Variants in PTPRN2 observed in about 807,000 individuals in gnomAD.
PTPRN2 encodes receptor-type tyrosine-protein phosphatase N2.
PTPRN2 carries 74 observed loss-of-function variants against 118.8 expected under a neutral mutation model. That is an observed-to-expected ratio of 0.62 (90% CI 0.52 to 0.76). The LOEUF is 0.76. PTPRN2 is among the 30% of genes least tolerant of loss of function. The pLI is 0.00. For synonymous variants in PTPRN2, 641 were observed against 608.0 expected (o/e 1.05, Z -0.80); for missense variants, 1,481 against 1,394.4 (o/e 1.06, Z -0.99).
chr7:157,868,191 G>A lies in PTPRN2; in HGVS notation c.1788+30482C>T, dbSNP rs935335632. Reference sequence around the variant, plus strand: ...CAGGCACAGGAAGGGTTCCTTTCCCGATGGCTCCGACAGCCCAGTGGTGCA... The same window carrying A: ...CAGGCACAGGAAGGGTTCCTTTCCCAATGGCTCCGACAGCCCAGTGGTGCA... On this transcript the variant is annotated intron_variant, in intron 12 of 22. Transcript: ENST00000389418. The surrounding 1 kb of genome is among the most constrained non-coding windows in gnomAD (Gnocchi z 5.2). Among the ~76,000 whole-genome samples the A allele has an allele frequency of 6.6e-6, 1 of 152,210 alleles. No homozygotes were observed. Among genetic ancestry groups the A allele is most frequent in the Admixed American group, 6.5e-5 (1 of 15,286 alleles).
intron 3 of PTPRN2, among the ~76,000 whole-genome samples, chr7:158,273,481 G>GAC (rs1563072751): frequency 9.7e-5 from 7 of 72,308 alleles, no homozygotes; most frequent in African/African-American, 4.3e-4. Flanking sequence ...CGCAGGCACA[G>GAC]GGGGAGCCGC....
At chr7:158,391,198 C>T (rs1811897306) in intron 2 of PTPRN2, among the ~76,000 whole-genome samples, 1 of 152,252 alleles carries the variant, frequency 6.6e-6, no homozygotes, top group African/African-American at 2.4e-5. Flanking sequence ...TAAAAAGAAC[C>T]TGCACGAGAG....
intron 2 of PTPRN2, among the ~76,000 whole-genome samples, chr7:158,440,518 AGTG>A (rs1816916714): frequency 6.7e-6 from 1 of 149,552 alleles, no homozygotes; most frequent in Non-Finnish European, 1.5e-5. Flanking sequence ...TAGGGGTGAT[AGTG>A]GTGATGTGGT....
At chr7:158,512,095 C>T (rs768543553) in intron 1 of PTPRN2, among the ~76,000 whole-genome samples, 8 of 152,116 alleles carry the variant, frequency 5.3e-5, no homozygotes, top group South Asian at 2.1e-4. Flanking sequence ...GCCATGCAGA[C>T]GGTGATGACA....
chr7:157,588,464 T>C (rs1800800994), intron 17 of PTPRN2, among the ~76,000 whole-genome samples: 1 of 152,132 alleles, frequency 6.6e-6, no homozygotes, highest in Non-Finnish European at 1.5e-5. Flanking sequence ...GTGATCCAGC[T>C]ACAGTCCTGC....
At chr7:158,377,626 T>C (rs910922738) in intron 2 of PTPRN2, among the ~76,000 whole-genome samples, 5 of 152,072 alleles carry the variant, frequency 3.3e-5, no homozygotes, top group Non-Finnish European at 7.4e-5. Flanking sequence ...AATCACAGGC[T>C]TTGTCATGGA....
At chr7:158,278,251 C>T (rs1799165774) in intron 3 of PTPRN2, among the ~76,000 whole-genome samples, 3 of 152,132 alleles carry the variant, frequency 2.0e-5, no homozygotes. Context: ...CCACCCACCA[C>T]CTGCCAGGGG....
At chr7:157,543,247 C>T (rs887464286) in intron 22 of PTPRN2, among the ~76,000 whole-genome samples, 1 of 152,190 alleles carries the variant, frequency 6.6e-6, no homozygotes, top group Non-Finnish European at 1.5e-5. Context: ...ATTCGAGAGG[C>T]CGAGTCAGGA....
At chr7:158,035,866 T>C (rs1371389252) in intron 11 of PTPRN2, among the ~76,000 whole-genome samples, 4 of 152,188 alleles carry the variant, frequency 2.6e-5, no homozygotes, top group Non-Finnish European at 4.4e-5. Flanking sequence ...AAGACAAGCA[T>C]GTAATAAAAA....
At chr7:157,743,997 T>C (rs1170681689) in intron 12 of PTPRN2, among the ~76,000 whole-genome samples, 1 of 152,240 alleles carries the variant, frequency 6.6e-6, no homozygotes, top group Non-Finnish European at 1.5e-5. Context: ...GACGGGGCGA[T>C]GCTGCTGCAG....
chr7:157,604,045 T>A lies in PTPRN2; in HGVS notation c.2375A>T (p.Glu792Val), dbSNP rs1801860360. The A allele has an allele frequency of 6.2e-7, 1 of 1,613,690 alleles. No individual in the cohort carries two copies. The highest frequency in any genetic ancestry group is 8.5e-7 in the Non-Finnish European group (1 of 1,180,028). ...GTAGTCTGAGTGGCTGTGGCTGTTC[T>A]CCGCCTTCAGCAGGACCCGGGAGTG... ...YDHSRVLLKAENSHSHSDYIN... is the reference protein window; with the variant it reads ...YDHSRVLLKAVNSHSHSDYIN... The change falls in exon 16 of 23, where the codon GAG (glutamate) becomes GTG (valine). Residue 792 changes from glutamate to valine, a missense_variant. By Grantham distance (121) the Glu-to-Val change is moderately radical (BLOSUM62 -2). Around this residue, in one of 3 missense-constraint regions of PTPRN2, gnomAD observed 362 missense variants for 384.1 expected, o/e 0.94. Coordinates refer to ENST00000389418, the MANE Select transcript of PTPRN2 (RefSeq NM_002847.5).
chr7:158,035,239 T>C (rs555045666), intron 11 of PTPRN2, among the ~76,000 whole-genome samples: 1 of 152,348 alleles, frequency 6.6e-6, no homozygotes, highest in South Asian at 2.1e-4. Context: ...AGTATAAAAC[T>C]ATAAGAAGAG....
Position 157,642,814 on chromosome 7 carries a change from C to CAAAAAAAAAAAAAAAAAAA in PTPRN2, c.2196+13524_2196+13542dup, listed in dbSNP as rs11335302. 2.4e-3 allele frequency among the ~76,000 whole-genome samples: 57 copies of CAAAAAAAAAAAAAAAAAAA among 24,220 alleles called. 16 individuals carry two copies. Among genetic ancestry groups the CAAAAAAAAAAAAAAAAAAA allele is most frequent in the East Asian group, 8.8e-3 (4 of 452 alleles). The allele number at this position is 24,220 out of a possible 152,430, so 15.9% of individuals were successfully genotyped here. Reference sequence around the variant, plus strand: ...AAGGGTCTACCAAGTCAAGAAACAGCAAAAAAAAAAAAAAAAAAAAAAAAA... The same window carrying CAAAAAAAAAAAAAAAAAAA: ...AAGGGTCTACCAAGTCAAGAAACAGCAAAAAAAAAAAAAAAAAAAAAAAAAAAAAAAAAAAAAAAAAAAA... On this transcript the variant is annotated intron_variant, in intron 14 of 22. Transcript: ENST00000389418.
chr7:157,677,055 G>A (rs1796703560), intron 13 of PTPRN2, among the ~76,000 whole-genome samples: 1 of 152,040 alleles, frequency 6.6e-6, no homozygotes, highest in Admixed American at 6.6e-5. Context: ...GGCTGCTGGA[G>A]TGCAGGGTGA....
intron 3 of PTPRN2, among the ~76,000 whole-genome samples, chr7:158,313,478 G>A (rs1311047083): frequency 6.6e-6 from 1 of 152,190 alleles, no homozygotes; most frequent in Admixed American, 6.5e-5. Flanking sequence ...CCAGGCCATG[G>A]GCAGTTCTGA....
intron 4 of PTPRN2, among the ~76,000 whole-genome samples, chr7:158,204,174 G>T (rs1196740971): frequency 1.4e-5 from 2 of 147,444 alleles, no homozygotes; most frequent in African/African-American, 5.0e-5. Context: ...GGGGAAAGAA[G>T]CAGCCGCCGC....
rs10282514 is a variant in PTPRN2 at position 157,903,660 on chromosome 7, A to G, written c.1724-4923T>C. ...TTTTTCTTTTTCCTTTTTTTTTTTTATACTAAAAGGTTTTAAGAGAGTACA... is the reference window on the plus strand; with the variant it reads ...TTTTTCTTTTTCCTTTTTTTTTTTTGTACTAAAAGGTTTTAAGAGAGTACA... On this transcript the variant is annotated intron_variant, in intron 11 of 22. Transcript: ENST00000389418. This position sits in a 1 kb window ranked among gnomAD's most constrained non-coding sequence, Gnocchi z 4.2. Among the ~76,000 whole-genome samples the G allele has an allele frequency of 0.76, 113,475 of 148,960 alleles. 43,354 individuals carry two copies. Among genetic ancestry groups the G allele is most frequent in the African/African-American group, 0.83 (33,748 of 40,532 alleles).
chr7:158,567,478 T>C (rs1435062822), intron 1 of PTPRN2, among the ~76,000 whole-genome samples: 1 of 152,254 alleles, frequency 6.6e-6, no homozygotes, highest in Non-Finnish European at 1.5e-5. Context: ...ATGTCAAGGC[T>C]GAGACTCAGC....
At chr7:158,459,380 G>A (rs1259913865) in intron 2 of PTPRN2, among the ~76,000 whole-genome samples, 1 of 148,924 alleles carries the variant, frequency 6.7e-6, no homozygotes, top group African/African-American at 2.5e-5. Context: ...TGGGACGAAC[G>A]GGCTCCAGAA....
Sources: allele counts gnomAD v4.1 joint callset (sites outside exome capture counted in the v4.1 genomes callset), GRCh38; gene constraint gnomAD v4.1.1; regional missense constraint gnomAD v4.1.1; non-coding constraint Gnocchi (gnomAD v3.1); transcripts MANE v1.5; gene names NCBI Gene and HGNC (gene_info 2026-07-23, HGNC 2026-07-21).